Variants in POLQ observed in about 807,000 individuals in gnomAD.
POLQ encodes DNA polymerase theta.
In POLQ, 233 loss-of-function variants were observed where a neutral mutation model predicts 259.2. The observed-to-expected ratio is 0.90, with a 90% CI of 0.81 to 1.00. The LOEUF is 1.00. POLQ is among the 50% of genes least tolerant of loss of function. The probability of loss-of-function intolerance (pLI) is 0.00; values close to 1 mark genes in which losing one functional copy is unlikely to be tolerated. For missense variants in POLQ, 2,871 were observed against 3,051.6 expected, an observed-to-expected ratio of 0.94 and a Z score of 1.39; for synonymous variants, 1,025 against 1,048.8, an observed-to-expected ratio of 0.98 and a Z score of 0.44.
At chr3:121,493,769 G>A (rs748535540) in intron 14 of POLQ, 48 bp from the exon 15 acceptor site, 16 of 1,526,486 alleles carry the variant, frequency 1.0e-5, no homozygotes, top group Middle Eastern at 1.7e-4. Flanking sequence ...TTTTACAGAC[G>A]AATTCTCCAT....
intron 9 of POLQ, 24 bp downstream of exon 9, chr3:121,519,847 A>T: frequency 8.0e-7 from 1 of 1,253,258 alleles, no homozygotes; most frequent in Non-Finnish European, 1.2e-6. Context: ...CAATGCTGCT[A>T]CAATTAAATT....
intron 25 of POLQ, among the ~76,000 whole-genome samples, chr3:121,457,222 C>T (rs2047748952): frequency 6.6e-6 from 1 of 152,158 alleles, no homozygotes; most frequent in African/African-American, 2.4e-5. Flanking sequence ...ACACCTTATA[C>T]AAAAATTAAT....
At chr3:121,483,757 A>C (rs1034394279) in intron 17 of POLQ, among the ~76,000 whole-genome samples, 175 bp from the exon 18 acceptor site, 4 of 152,152 alleles carry the variant, frequency 2.6e-5, no homozygotes, top group Non-Finnish European at 5.9e-5. Flanking sequence ...ATGTAGATGA[A>C]GTGCATCATA....
At position 121,536,483 on chromosome 3, in the gene POLQ, A is replaced by AT. The variant is rs554041242; in HGVS notation, c.740+616dup. Among the ~76,000 whole-genome samples the AT allele has an allele frequency of 2.2e-3, 334 of 152,226 alleles. 1 individual carries two copies. Among genetic ancestry groups the AT allele is most frequent in the Non-Finnish European group, 3.7e-3 (255 of 68,000 alleles). On this transcript the variant is annotated intron_variant, in intron 5 of 29. Coordinates refer to ENST00000264233, the MANE Select transcript of POLQ (RefSeq NM_199420.4). Reference sequence around the variant, plus strand: ...GAGAAGTGAGGGCTAAAAAAATAATATTTTTTTCAAAATTAGCCTGACTAC... The same window carrying AT: ...GAGAAGTGAGGGCTAAAAAAATAATATTTTTTTTCAAAATTAGCCTGACTAC...
chr3:121,522,470 C>A (rs2048344615), intron 7 of POLQ, among the ~76,000 whole-genome samples: 1 of 149,912 alleles, frequency 6.7e-6, no homozygotes, highest in African/African-American at 2.4e-5. Context: ...TGCCACCGCG[C>A]CCGGCTAATT....
In POLQ at chr3:121,432,307, C is replaced by G. The variant is rs1302554008; in HGVS notation, c.7770G>C (p.Val2590=). 6.3e-7 allele frequency: 1 copy of G among 1,595,476 alleles called. No homozygotes were observed. Among genetic ancestry groups the G allele is most frequent in the South Asian group, 1.1e-5 (1 of 87,884 alleles). ...ASWGELKDFD[V] The stretch of plus-strand genomic sequence containing the variant: ...GAGGACTTCATCAACAGCACAGTTA[C>G]ACATCAAAGTCCTTTAGCTCTCCCC... Residue 2590 remains valine (V), a synonymous_variant, in exon 30 of 30, where the codon GTG becomes GTC. Transcript: ENST00000264233.
rs562870877 is a variant in POLQ, at chr3:121,508,204, T to C, written c.1959+1357A>G. Among the ~76,000 whole-genome samples the C allele has an allele frequency of 2.6e-5, 4 of 152,174 alleles. No individual in the cohort carries two copies. The South Asian group carries it at 8.3e-4, about 32-fold the overall frequency. On this transcript the variant is annotated intron_variant, in intron 12 of 29. Coordinates refer to ENST00000264233, the MANE Select transcript of POLQ (RefSeq NM_199420.4). ...TACAACTCGAATGGTGAGAGAAGTA[T>C]ACAAGACCACTAACCACAAGCATTC...
intron 22 of POLQ, among the ~76,000 whole-genome samples, chr3:121,470,626 A>T (rs1240119002): frequency 6.6e-6 from 1 of 152,134 alleles, no homozygotes. Context: ...TTATTTATTG[A>T]CTGAGACAGG....
intron 7 of POLQ, among the ~76,000 whole-genome samples, chr3:121,523,612 G>C (rs943882994): frequency 6.6e-6 from 1 of 152,130 alleles, no homozygotes; most frequent in African/African-American, 2.4e-5. Context: ...CTACTCGGGA[G>C]GCTGAAGTGG....
chr3:121,538,807 A>G (rs2048468591), intron 4 of POLQ, among the ~76,000 whole-genome samples: 1 of 151,998 alleles, frequency 6.6e-6, no homozygotes, highest in Non-Finnish European at 1.5e-5. Flanking sequence ...CCCCTACCCT[A>G]CCATAACTTT....
At chr3:121,483,307 TA>T in intron 18 of POLQ, 78 bp downstream of exon 18, 1 of 733,784 alleles carries the variant, frequency 1.4e-6, no homozygotes, top group Non-Finnish European at 2.1e-6. Flanking sequence ...TTATTGATGC[TA>T]AGTAAATACC....
Position 121,487,871 on chromosome 3 carries a change from G to A in POLQ, c.5060C>T (p.Thr1687Ile), listed in dbSNP as rs775530245. 2 of 1,610,226 alleles carry A rather than the reference G, an allele frequency of 1.2e-6. No individual in the cohort carries two copies. The highest frequency in any genetic ancestry group is 1.7e-6 in the Non-Finnish European group (2 of 1,178,670). ...EEQEVISNLE[T>I]KQVQGISFSS... ...AAATGAAATTCCCTGCACTTGTTTT[G>A]TCTCCAAGTTTGAAATAACTTCTTG... The change falls in exon 16 of 30, where the codon ACA becomes ATA. Residue 1687 changes from threonine (T) to isoleucine (I), a missense_variant. Transcript: ENST00000264233.
chr3:121,491,683 G>T (rs982658751), intron 15 of POLQ, among the ~76,000 whole-genome samples: 1 of 152,086 alleles, frequency 6.6e-6, no homozygotes, highest in Non-Finnish European at 1.5e-5. Context: ...AACTAGAGAG[G>T]AACAACTCGT....
At chr3:121,494,456 TG>T (rs2048097733) in intron 14 of POLQ, 3 of 1,511,544 alleles carry the variant, frequency 2.0e-6, no homozygotes, top group African/African-American at 2.7e-5. Context: ...GCTGTTGGCC[TG>T]GGCCAAGAAG....
chr3:121,519,923 A>C lies in POLQ; in HGVS notation c.1416T>G (p.Leu472=). The C allele has an allele frequency of 6.2e-7, 1 of 1,611,002 alleles. No individual in the cohort carries two copies. The highest frequency in any genetic ancestry group is 8.5e-7 in the Non-Finnish European group (1 of 1,177,268). Residue 472 remains leucine, a synonymous_variant, in exon 9 of 30, where the codon CTT becomes CTG. Coordinates refer to ENST00000264233, the MANE Select transcript of POLQ (RefSeq NM_199420.4). ...PIFGGRPLDI[L]TYKQMVGRAG... is the part of the protein sequence containing the mutation. The stretch of plus-strand genomic sequence containing the variant: ...CACGGCCAACCATCTGCTTATAAGT[A>C]AGAATATCTAGAGGTCGACCACCAA...
intron 20 of POLQ, among the ~76,000 whole-genome samples, chr3:121,475,100 T>C (rs1485334651): frequency 6.6e-6 from 1 of 152,202 alleles, no homozygotes; most frequent in African/African-American, 2.4e-5. Context: ...ACAATAAATA[T>C]TAGAATCGAT....
chr3:121,438,449 G>A (rs2047562404), intron 27 of POLQ, among the ~76,000 whole-genome samples: 1 of 152,116 alleles, frequency 6.6e-6, no homozygotes, highest in Non-Finnish European at 1.5e-5. Context: ...TTCTCAGCCT[G>A]CCACTAAAAG....
chr3:121,497,221 G>A (rs1404647037), intron 13 of POLQ, among the ~76,000 whole-genome samples: 1 of 152,158 alleles, frequency 6.6e-6, no homozygotes, highest in Non-Finnish European at 1.5e-5. Context: ...TTCAAGAAAT[G>A]TGATGACACA....
At chr3:121,491,820 C>G (rs1007817613) in intron 15 of POLQ, among the ~76,000 whole-genome samples, 2 of 152,060 alleles carry the variant, frequency 1.3e-5, no homozygotes, top group Admixed American at 1.3e-4. Flanking sequence ...CAGACCAGTA[C>G]CAGTCCATGG....
Sources: gnomAD v4.1 joint callset for allele counts (sites outside exome capture counted in the v4.1 genomes callset) on GRCh38, gnomAD v4.1.1 for gene constraint, MANE v1.5 for transcripts, NCBI Gene and HGNC (gene_info 2026-07-23, HGNC 2026-07-21) for gene names.